Variants in DNMT3B observed in about 807,000 individuals in gnomAD.
DNMT3B encodes DNA (cytosine-5)-methyltransferase 3B.
A neutral mutation model predicts 120.2 loss-of-function variants in DNMT3B; 37 were observed. The observed-to-expected ratio is 0.31, with a 90% CI of 0.24 to 0.40. DNMT3B has a LOEUF of 0.40. Among genes scored for constraint, DNMT3B ranks in the 10% least tolerant of loss-of-function variants. DNMT3B has a pLI of 1.00. For synonymous variants in DNMT3B, 412 were observed against 442.8 expected (o/e 0.93, Z 0.87); for missense variants, 878 against 1,137.3 (o/e 0.77, Z 3.28).
chr20:32,800,321 G>A (rs560146031), intron 17 of DNMT3B, 23 bp downstream of exon 17: 54 of 1,613,818 alleles, frequency 3.3e-5, no homozygotes, highest in Middle Eastern at 1.7e-4. Context: ...TGTACCTTGC[G>A]GGCCTCATCT....
intron 13 of DNMT3B, 140 bp downstream of exon 13, chr20:32,797,009 G>A (rs1317596154): frequency 1.2e-6 from 2 of 1,611,270 alleles, no homozygotes; most frequent in Non-Finnish European, 1.7e-6. Flanking sequence ...GGGGCAGGAT[G>A]GGGGACAGCT....
At chr20:32,786,405 G>T in intron 4 of DNMT3B, 97 bp from the exon 5 acceptor site, 1 of 1,573,866 alleles carries the variant, frequency 6.4e-7, no homozygotes. Context: ...TGGCTACCAG[G>T]TCTCCTTGGC....
intron 15 of DNMT3B, 131 bp from the exon 16 acceptor site, chr20:32,799,113 C>G: frequency 1.0e-6 from 1 of 971,128 alleles, no homozygotes; most frequent in Non-Finnish European, 1.6e-6. Flanking sequence ...CCCATCAAGC[C>G]TTCAGTGGGC....
At chr20:32,765,053 A>G (rs531491142) in intron 1 of DNMT3B, among the ~76,000 whole-genome samples, 1 of 152,218 alleles carries the variant, frequency 6.6e-6, no homozygotes, top group African/African-American at 2.4e-5. Context: ...CGGCTGCCTC[A>G]CCTCCAGGCT....
At chr20:32,785,557 A>C (rs774325588) in intron 4 of DNMT3B, among the ~76,000 whole-genome samples, 61 of 152,172 alleles carry the variant, frequency 4.0e-4, no homozygotes, top group Non-Finnish European at 6.3e-4. Flanking sequence ...CCAGCCCTTT[A>C]GAGACCAGAC....
intron 1 of DNMT3B, chr20:32,779,927 A>G: frequency 1.4e-6 from 1 of 692,278 alleles, no homozygotes; most frequent in Non-Finnish European, 2.5e-6. Flanking sequence ...GAGGCTGAGC[A>G]GGGAGAGGGG....
At chr20:32,774,626 G>A (rs779406256) in intron 1 of DNMT3B, among the ~76,000 whole-genome samples, 4 of 149,544 alleles carry the variant, frequency 2.7e-5, no homozygotes, top group Admixed American at 6.8e-5. Flanking sequence ...AAGAGTGAAC[G>A]TTGTACCTGA....
At chr20:32,770,113 T>TA (rs112320594) in intron 1 of DNMT3B, among the ~76,000 whole-genome samples, 5,940 of 151,366 alleles carry the variant, frequency 0.039, 361 homozygotes, top group African/African-American at 0.13. Context: ...TCAGTTAATT[T>TA]AAAAAAAAAT....
chr20:32,797,084 G>C, intron 13 of DNMT3B, 103 bp from the exon 14 acceptor site: 1 of 1,605,108 alleles, frequency 6.2e-7, no homozygotes, highest in Non-Finnish European at 8.5e-7. Flanking sequence ...CAAGCCACCA[G>C]CAGTGTGTTC....
chr20:32,793,969 T>C (rs1403459503), intron 10 of DNMT3B, among the ~76,000 whole-genome samples: 1 of 151,758 alleles, frequency 6.6e-6, no homozygotes, highest in African/African-American at 2.4e-5. Flanking sequence ...GTAGATGGAA[T>C]AGAAATACAA....
chr20:32,778,646 G>A (rs1166060183), intron 1 of DNMT3B, among the ~76,000 whole-genome samples: 4 of 152,246 alleles, frequency 2.6e-5, no homozygotes, highest in Non-Finnish European at 2.9e-5. Flanking sequence ...CCCCCTGGTG[G>A]GCGATGCCAG....
In DNMT3B at chr20:32,808,997, T is replaced by A. The variant is rs929861416; in HGVS notation, c.*1094T>A. The A allele has an allele frequency of 4.6e-6, 1 of 218,422 alleles. No individual in the cohort carries two copies. The highest frequency in any genetic ancestry group is 1.4e-3 in the Middle Eastern group (1 of 718). 13.5% of individuals were successfully genotyped at this position (218,422 alleles called of 1,614,324 possible). A position where few individuals can be genotyped will look rare whatever the true frequency, so the allele number is the denominator to read the frequency against. ...GGTGCTCCCTTTGGAGATTTTTTAA[T>A]CCTTTTTTATTCCATAAGAAGTCGT... On this transcript the variant is annotated 3_prime_UTR_variant, in exon 23 of 23. Coordinates refer to ENST00000328111, the MANE Select transcript of DNMT3B (RefSeq NM_006892.4).
At chr20:32,772,773 A>G (rs1415872658) in intron 1 of DNMT3B, among the ~76,000 whole-genome samples, 2 of 151,564 alleles carry the variant, frequency 1.3e-5, no homozygotes, top group Non-Finnish European at 2.9e-5. Flanking sequence ...AAAGGTAATG[A>G]CATTATTTTA....
At chr20:32,784,351 A>G (rs1389849708) in intron 3 of DNMT3B, among the ~76,000 whole-genome samples, 1 of 152,134 alleles carries the variant, frequency 6.6e-6, no homozygotes, top group African/African-American at 2.4e-5. Context: ...TTGATTCTTG[A>G]TGTAACCCTG....
At chr20:32,774,508 CTTTTTTTTTTT>C (rs386393640) in intron 1 of DNMT3B, among the ~76,000 whole-genome samples, 1 of 98,512 alleles carries the variant, frequency 1.0e-5, no homozygotes, top group Admixed American at 1.2e-4. Flanking sequence ...CGCGCCTGGC[CTTTTTTTTTTT>C]TTTTTTTTTT....
At position 32,808,468 on chromosome 20, in the gene DNMT3B, C is replaced by A. The variant is rs1982196733; in HGVS notation, c.*565C>A. Reference sequence around the variant, plus strand: ...TGTTGTATATGTCTTTTACCCGGCACATTCCCCTTGCCTAAATACAAGGGC... The same window carrying A: ...TGTTGTATATGTCTTTTACCCGGCAAATTCCCCTTGCCTAAATACAAGGGC... On this transcript the variant is annotated 3_prime_UTR_variant, in exon 23 of 23. Transcript: ENST00000328111. The A allele has an allele frequency of 4.2e-6, 1 of 238,302 alleles. No homozygotes were observed. Among genetic ancestry groups the A allele is most frequent in the Admixed American group, 5.3e-5 (1 of 18,968 alleles). 14.8% of individuals were successfully genotyped at this position (238,302 alleles called of 1,614,324 possible). A position where few individuals can be genotyped will look rare whatever the true frequency, so the allele number is the denominator to read the frequency against.
intron 7 of DNMT3B, among the ~76,000 whole-genome samples, chr20:32,789,381 T>C (rs1040025557): frequency 6.6e-6 from 1 of 152,220 alleles, no homozygotes; most frequent in Admixed American, 6.5e-5. Context: ...CGGCCTCTTG[T>C]CATTTAGCCC....
intron 1 of DNMT3B, among the ~76,000 whole-genome samples, chr20:32,770,854 T>C (rs561251839): frequency 2.8e-4 from 43 of 151,056 alleles, no homozygotes; most frequent in Non-Finnish European, 3.0e-5. Context: ...TCGGGTGATC[T>C]GCCTGCCTCA....
At chr20:32,788,821 C>T (rs368419589) in intron 6 of DNMT3B, 33 bp from the exon 7 acceptor site, 46 of 1,614,086 alleles carry the variant, frequency 2.8e-5, no homozygotes, top group Non-Finnish European at 3.8e-5. Context: ...GGCCTCTCCT[C>T]ACTGGGATTT....
Sources: gnomAD v4.1 joint callset for allele counts (sites outside exome capture counted in the v4.1 genomes callset) on GRCh38, gnomAD v4.1.1 for gene constraint, MANE v1.5 for transcripts, NCBI Gene and HGNC (gene_info 2026-07-23, HGNC 2026-07-21) for gene names.